Variants in ALKAL1 observed in about 807,000 individuals in gnomAD.
ALKAL1 encodes ALK and LTK ligand 1.
Under a neutral mutation model 13.5 loss-of-function variants are expected in ALKAL1, and 23 were observed. The ratio of observed to expected loss-of-function variants is 1.70; its 90% CI spans 1.23 to 2.41. The LOEUF (loss-of-function observed/expected upper bound fraction) is 2.41, where lower values mean the gene tolerates loss of function less well. Ranked by LOEUF, ALKAL1 falls within the 30% of genes most tolerant of loss-of-function variation. The pLI is 0.00. For missense variants in ALKAL1, 181 were observed against 178.4 expected (o/e 1.01, Z -0.08); for synonymous variants, 85 against 77.7 (o/e 1.09, Z -0.49).
At chr8:52,542,364 T>G (rs776744801) in intron 2 of ALKAL1, 28 bp downstream of exon 2, 1 of 1,408,470 alleles carries the variant, frequency 7.1e-7, no homozygotes, top group East Asian at 2.3e-5. Context: ...ATTTAGTTAA[T>G]GGAATCACTG....
chr8:52,540,502 G>T (rs763275805), intron 2 of ALKAL1, among the ~76,000 whole-genome samples: 6 of 152,058 alleles, frequency 3.9e-5, no homozygotes, highest in Non-Finnish European at 8.8e-5. Context: ...AAGGCAGGAG[G>T]ATCACTTGAG....
intron 1 of ALKAL1, among the ~76,000 whole-genome samples, chr8:52,561,626 C>T (rs1205839825): frequency 6.6e-6 from 1 of 152,124 alleles, no homozygotes; most frequent in Non-Finnish European, 1.5e-5. Context: ...GAAGCTAGGA[C>T]CTTCCTGGAA....
chr8:52,545,190 T>A (rs559618268), intron 1 of ALKAL1, among the ~76,000 whole-genome samples: 1 of 152,366 alleles, frequency 6.6e-6, no homozygotes, highest in South Asian at 2.1e-4. Context: ...CTGGGAACTA[T>A]GTTAGGCAAA....
intron 2 of ALKAL1, 66 bp from the exon 3 acceptor site, chr8:52,539,977 C>T: frequency 2.9e-6 from 4 of 1,386,270 alleles, no homozygotes; most frequent in South Asian, 1.2e-5. Context: ...TTTCCTAGCA[C>T]TTTATGGGTG....
At chr8:52,561,128 A>C (rs1000360174) in intron 1 of ALKAL1, among the ~76,000 whole-genome samples, 1 of 152,182 alleles carries the variant, frequency 6.6e-6, no homozygotes, top group African/African-American at 2.4e-5. Context: ...CAAAGCAGCA[A>C]AAATTTTTTA....
At position 52,565,298 on chromosome 8, in the gene ALKAL1, T is replaced by A. The variant is rs1233393940; in HGVS notation, c.-42A>T. ...GAGAGAGCGGGAGACTCCGGGAGGATCCCGACGCAGGTCCGGAGGGTGCGC... is the reference window on the plus strand; with the variant it reads ...GAGAGAGCGGGAGACTCCGGGAGGAACCCGACGCAGGTCCGGAGGGTGCGC... On this transcript the variant is annotated 5_prime_UTR_variant, in exon 1 of 5. Coordinates refer to ENST00000358543, the MANE Select transcript of ALKAL1 (RefSeq NM_207413.4). The A allele has an allele frequency of 1.6e-6, 2 of 1,258,156 alleles. No individual in the cohort carries two copies. The highest frequency in any genetic ancestry group is 2.0e-6 in the Non-Finnish European group (2 of 984,052). The allele number at this position is 1,258,156 out of a possible 1,614,324, so 77.9% of individuals were successfully genotyped here. A position where few individuals can be genotyped will look rare whatever the true frequency, so the allele number is the denominator to read the frequency against.
intron 4 of ALKAL1, among the ~76,000 whole-genome samples, chr8:52,537,360 T>C (rs1165339357): frequency 6.6e-6 from 1 of 152,154 alleles, no homozygotes; most frequent in Non-Finnish European, 1.5e-5. Flanking sequence ...AACCTTTATA[T>C]ACTGTTGGTG....
intron 1 of ALKAL1, among the ~76,000 whole-genome samples, chr8:52,562,279 G>C (rs950431185): frequency 6.6e-6 from 1 of 152,194 alleles, no homozygotes; most frequent in Non-Finnish European, 1.5e-5. Context: ...GTCTGAACTA[G>C]AGTGGTGGGA....
At chr8:52,564,767 G>GGT (rs1420010860) in intron 1 of ALKAL1, among the ~76,000 whole-genome samples, 1 of 152,170 alleles carries the variant, frequency 6.6e-6, no homozygotes, top group East Asian at 1.9e-4. Context: ...CGGTCGGTGG[G>GGT]ACTGAAACCC....
intron 1 of ALKAL1, among the ~76,000 whole-genome samples, chr8:52,558,283 G>A (rs1388539889): frequency 6.9e-6 from 1 of 145,708 alleles, no homozygotes; most frequent in African/African-American, 2.6e-5. Flanking sequence ...GGGAGGTAGA[G>A]GCTGCAGTGA....
At chr8:52,563,300 G>A (rs528888980) in intron 1 of ALKAL1, among the ~76,000 whole-genome samples, 14 of 152,192 alleles carry the variant, frequency 9.2e-5, no homozygotes, top group African/African-American at 3.4e-4. Flanking sequence ...GGGCGTGGTG[G>A]TGCGCCTGTA....
chr8:52,537,587 T>C (rs545934558), intron 4 of ALKAL1, among the ~76,000 whole-genome samples: 1 of 152,214 alleles, frequency 6.6e-6, no homozygotes, highest in South Asian at 2.1e-4. Context: ...TGTCCATCAA[T>C]GGATGAATGG....
chr8:52,549,323 A>G (rs1286201371), intron 1 of ALKAL1, among the ~76,000 whole-genome samples: 1 of 152,024 alleles, frequency 6.6e-6, no homozygotes, highest in Non-Finnish European at 1.5e-5. Flanking sequence ...TTACAGCAGT[A>G]CTGAGAGAAT....
intron 1 of ALKAL1, among the ~76,000 whole-genome samples, chr8:52,546,021 T>C (rs1330536785): frequency 1.3e-5 from 2 of 152,234 alleles, no homozygotes; most frequent in Admixed American, 6.5e-5. Context: ...TGTAGGTAGC[T>C]GTAACACCAT....
intron 1 of ALKAL1, among the ~76,000 whole-genome samples, chr8:52,563,580 C>A (rs1398174548): frequency 6.6e-6 from 1 of 152,226 alleles, no homozygotes; most frequent in African/African-American, 2.4e-5. Flanking sequence ...GAGAGCCTTT[C>A]TCCCAGTCCT....
rs575958611 is a variant in ALKAL1, at chr8:52,552,448, ACTATG to A, written c.191-10008_191-10004del. 6.2e-4 allele frequency among the ~76,000 whole-genome samples: 95 copies of A among 152,296 alleles called. 2 individuals are homozygous for A. The South Asian group carries it at 0.02, about 32-fold the overall frequency. The stretch of plus-strand genomic sequence containing the variant: ...GTACTGTACTTCTCAGAAGGAGGTC[ACTATG>A]CTCAGCCCACACTTGAGGACTGGGG... On this transcript the variant is annotated intron_variant, in intron 1 of 4. Coordinates refer to ENST00000358543, the MANE Select transcript of ALKAL1 (RefSeq NM_207413.4).
intron 2 of ALKAL1, among the ~76,000 whole-genome samples, chr8:52,541,137 G>A (rs951318589): frequency 6.6e-6 from 1 of 152,194 alleles, no homozygotes; most frequent in Non-Finnish European, 1.5e-5. Flanking sequence ...AAGTTGATAT[G>A]AAGAACCAAA....
At position 52,565,173 on chromosome 8, in the gene ALKAL1, C is replaced by A. The variant is rs1157091185; in HGVS notation, c.84G>T (p.Arg28Ser). 1.4e-6 allele frequency: 2 copies of A among 1,388,706 alleles called. No homozygotes were observed. The highest frequency in any genetic ancestry group is 3.3e-5 in the Admixed American group (1 of 30,324). The allele number at this position is 1,388,706 out of a possible 1,614,324, so 86.0% of individuals were successfully genotyped here. A position where few individuals can be genotyped will look rare whatever the true frequency, so the allele number is the denominator to read the frequency against. The change falls in exon 1 of 5, where the codon AGG becomes AGT. Residue 28 changes from arginine to serine, a missense_variant. Transcript: ENST00000358543. ...CGCGCGCTCCCCTGCGCCCCCGGGGCCTCCCGTGGGCTCCGTGCGGGGACA... is the reference window on the plus strand; with the variant it reads ...CGCGCGCTCCCCTGCGCCCCCGGGGACTCCCGTGGGCTCCGTGCGGGGACA... Reference protein sequence around the residue: ...LALSPHGAHGRPRGRRGARVT... With the variant: ...LALSPHGAHGSPRGRRGARVT...
At chr8:52,545,551 C>T (rs911976070) in intron 1 of ALKAL1, among the ~76,000 whole-genome samples, 2 of 151,658 alleles carry the variant, frequency 1.3e-5, no homozygotes, top group African/African-American at 4.8e-5. Flanking sequence ...GTTTCCCCTC[C>T]CCCATCCCCC....
Sources: allele counts gnomAD v4.1 joint callset (sites outside exome capture counted in the v4.1 genomes callset), GRCh38; gene constraint gnomAD v4.1.1; transcripts MANE v1.5; gene names NCBI Gene and HGNC (gene_info 2026-07-23, HGNC 2026-07-21).